Variants in SULF1 observed in about 807,000 individuals in gnomAD.
SULF1 encodes the protein extracellular sulfatase Sulf-1.
A neutral mutation model predicts 110.5 loss-of-function variants in SULF1; 46 were observed. The ratio of observed to expected loss-of-function variants is 0.42; its 90% CI spans 0.33 to 0.53. The LOEUF (loss-of-function observed/expected upper bound fraction) is 0.53, where lower values mean the gene tolerates loss of function less well. Among genes scored for constraint, SULF1 ranks in the 20% least tolerant of loss-of-function variants. The pLI is 0.12. For missense variants in SULF1, 941 were observed against 1,094.2 expected, an observed-to-expected ratio of 0.86 and a Z score of 1.98; for synonymous variants, 371 against 387.1, an observed-to-expected ratio of 0.96 and a Z score of 0.49.
chr8:69,620,867 C>T (rs761847872), intron 13 of SULF1, among the ~76,000 whole-genome samples, 168 bp from the exon 14 acceptor site: 2 of 152,050 alleles, frequency 1.3e-5, no homozygotes, highest in East Asian at 1.9e-4. Flanking sequence ...AACTGAGAGT[C>T]GAGTTAGTGC....
intron 19 of SULF1, among the ~76,000 whole-genome samples, chr8:69,632,738 A>T (rs1434408779): frequency 2.0e-5 from 3 of 152,212 alleles, no homozygotes; most frequent in Admixed American, 1.3e-4. Context: ...TATACAAAAT[A>T]AAAAGGCCAA....
intron 3 of SULF1, among the ~76,000 whole-genome samples, chr8:69,525,907 T>A (rs1812629764): frequency 6.6e-6 from 1 of 152,160 alleles, no homozygotes; most frequent in Non-Finnish European, 1.5e-5. Flanking sequence ...CTTTAGAGGT[T>A]GTTGGAGGAG....
intron 8 of SULF1, among the ~76,000 whole-genome samples, chr8:69,596,163 C>G (rs1464196642): frequency 2.6e-5 from 4 of 152,026 alleles, no homozygotes; most frequent in African/African-American, 9.7e-5. Context: ...AAAAGCTAAA[C>G]TTTTATATAT....
At chr8:69,473,088 G>T (rs1809153487) in intron 1 of SULF1, among the ~76,000 whole-genome samples, 1 of 151,894 alleles carries the variant, frequency 6.6e-6, no homozygotes, top group Admixed American at 6.6e-5. Flanking sequence ...GGTCCTCCCA[G>T]TTCAGCCTCC....
At chr8:69,610,639 C>T (rs1320061365) in intron 13 of SULF1, among the ~76,000 whole-genome samples, 1 of 152,232 alleles carries the variant, frequency 6.6e-6, no homozygotes, top group Non-Finnish European at 1.5e-5. Flanking sequence ...CATGTATGAA[C>T]AGTTGTTCAT....
intron 22 of SULF1, among the ~76,000 whole-genome samples, chr8:69,652,849 ATCT>A (rs1812448269): frequency 1.3e-5 from 2 of 152,114 alleles, no homozygotes; most frequent in African/African-American, 2.4e-5. Context: ...CTGTCCATAC[ATCT>A]TCTTCCACCA....
intron 3 of SULF1, among the ~76,000 whole-genome samples, chr8:69,555,110 C>T (rs1815020308): frequency 6.6e-6 from 1 of 151,340 alleles, no homozygotes; most frequent in Non-Finnish European, 1.5e-5. Context: ...TTAAGGTTCT[C>T]CTGTAAGTAA....
At chr8:69,510,092 G>C (rs1462596545) in intron 3 of SULF1, among the ~76,000 whole-genome samples, 10 of 152,134 alleles carry the variant, frequency 6.6e-5, no homozygotes. Context: ...TATGCACCTA[G>C]TTATAACTAG....
chr8:69,563,960 C>T lies in SULF1; in HGVS notation c.-16C>T, dbSNP rs1406366924. On this transcript the variant is annotated 5_prime_UTR_variant, in exon 5 of 23. Transcript: ENST00000402687. Reference sequence around the variant, plus strand: ...CGGAGACATTTTGTCAGTTTTGCAACATTGGACCAAATACAATGAAGTATT... The same window carrying T: ...CGGAGACATTTTGTCAGTTTTGCAATATTGGACCAAATACAATGAAGTATT... 47 of 1,611,970 alleles carry T rather than the reference C, an allele frequency of 2.9e-5. No homozygotes were observed. Among genetic ancestry groups the T allele is most frequent in the Non-Finnish European group, 3.5e-5 (41 of 1,178,320 alleles).
chr8:69,473,603 A>G (rs1205018901), intron 1 of SULF1, among the ~76,000 whole-genome samples: 1 of 152,200 alleles, frequency 6.6e-6, no homozygotes, highest in African/African-American at 2.4e-5. Flanking sequence ...TTTTCATAAA[A>G]CAGTATCCTT....
intron 5 of SULF1, among the ~76,000 whole-genome samples, chr8:69,566,664 A>G (rs1295674341): frequency 6.6e-6 from 1 of 152,142 alleles, no homozygotes; most frequent in African/African-American, 2.4e-5. Context: ...CAGCCTGGCC[A>G]ACATAGTGAA....
Position 69,589,105 on chromosome 8 carries a change from A to G in SULF1, c.698A>G (p.Gln233Arg), listed in dbSNP as rs747457226. 1 of 1,614,114 alleles carries G rather than the reference A, an allele frequency of 6.2e-7. No individual in the cohort carries two copies. The highest frequency in any genetic ancestry group is 2.2e-5 in the East Asian group (1 of 44,882). The stretch of plus-strand genomic sequence containing the variant: ...CACGGCCCCGAGGACTCAGCCCCAC[A>G]GTTTTCTAAACTGTACCCCAATGCT... ...APHGPEDSAP[Q>R]FSKLYPNASQ... is the part of the protein sequence containing the mutation. The change falls in exon 8 of 23, where the codon CAG becomes CGG. Residue 233 changes from glutamine to arginine, a missense_variant. By Grantham distance (43) the Gln-to-Arg change is conservative. This residue lies in a region of SULF1 where 822 missense variants were observed against 934.3 expected (regional missense o/e 0.88). Transcript: ENST00000402687.
intron 5 of SULF1, 33 bp from the exon 6 acceptor site, chr8:69,575,937 T>C: frequency 6.2e-7 from 1 of 1,607,994 alleles, no homozygotes; most frequent in Non-Finnish European, 8.5e-7. Flanking sequence ...TGTGCTGCAC[T>C]TTGCTAAACA....
At chr8:69,489,771 T>C (rs1809850323), upstream of SULF1, among the ~76,000 whole-genome samples, 1 of 151,692 alleles carries the variant, frequency 6.6e-6, no homozygotes, top group Admixed American at 6.6e-5. Flanking sequence ...AGAGACGGGG[T>C]TTCACCATGT....
intron 13 of SULF1, 81 bp downstream of exon 13, chr8:69,605,013 T>C (rs989782857): frequency 7.8e-5 from 122 of 1,561,832 alleles, no homozygotes; most frequent in Non-Finnish European, 9.9e-5. Flanking sequence ...TATAAAAGAA[T>C]GTACATTTGT....
intron 22 of SULF1, among the ~76,000 whole-genome samples, chr8:69,654,901 G>A (rs144377375): frequency 2.7e-4 from 41 of 152,290 alleles, no homozygotes; most frequent in Non-Finnish European, 4.7e-4. Context: ...CATTTGATGT[G>A]AGCTATCTTT....
At chr8:69,544,735 C>T (rs182646914) in intron 3 of SULF1, among the ~76,000 whole-genome samples, 7 of 152,298 alleles carry the variant, frequency 4.6e-5, no homozygotes, top group Middle Eastern at 3.4e-3. Context: ...GACAGATAAT[C>T]AAGTTTTTCT....
intron 17 of SULF1, 53 bp downstream of exon 17, chr8:69,627,919 C>A: frequency 7.2e-7 from 1 of 1,384,580 alleles, no homozygotes; most frequent in Non-Finnish European, 1.0e-6. Flanking sequence ...CCGCACAAGC[C>A]AGAGGCATTA....
intron 1 of SULF1, among the ~76,000 whole-genome samples, chr8:69,483,191 G>A (rs1586199913): frequency 6.6e-6 from 1 of 152,224 alleles, no homozygotes; most frequent in East Asian, 1.9e-4. Context: ...AGGGAACGAG[G>A]GAGACTGTAT....
Sources: allele counts gnomAD v4.1 joint callset (sites outside exome capture counted in the v4.1 genomes callset), GRCh38; gene constraint gnomAD v4.1.1; regional missense constraint gnomAD v4.1.1; transcripts MANE v1.5; gene names NCBI Gene and HGNC (gene_info 2026-07-23, HGNC 2026-07-21).